The following SRGAP3 variants were observed in gnomAD, a reference collection of about 807,000 sequenced individuals.
SRGAP3 encodes SLIT-ROBO Rho GTPase-activating protein 3.
In SRGAP3, 39 loss-of-function variants were observed where a neutral mutation model predicts 121.1. The ratio of observed to expected loss-of-function variants is 0.32; its 90% CI spans 0.25 to 0.42. The LOEUF (loss-of-function observed/expected upper bound fraction) is 0.42, where lower values mean the gene tolerates loss of function less well. Ranked by LOEUF, SRGAP3 falls within the 10% of genes least tolerant of loss-of-function variation. SRGAP3 has a pLI of 1.00. For missense variants in SRGAP3, 1,213 were observed against 1,470.6 expected (o/e 0.82, Z 2.86); for synonymous variants, 601 against 570.0 (o/e 1.05, Z -0.77).
chr3:9,287,340 T>C (rs1295086705), intron 3 of SRGAP3, among the ~76,000 whole-genome samples: 2 of 152,210 alleles, frequency 1.3e-5, no homozygotes, highest in East Asian at 3.8e-4. Context: ...TTAGTCCTCC[T>C]TCTGCTTAAA....
At position 9,010,364 on chromosome 3, in the gene SRGAP3, C is replaced by G; in HGVS notation, c.2171G>C (p.Gly724Ala). The G allele has an allele frequency of 6.2e-7, 1 of 1,614,054 alleles. No homozygotes were observed. The highest frequency in any genetic ancestry group is 1.1e-5 in the South Asian group (1 of 91,064). ...GTCATGGTCAACTTCATCGATGGCC[C>G]CTGGCTCGCTGTGTGGGCTGTCACT... ...EYCDSPHSEP[G>A]AIDEVDHDNG... The change falls in exon 18 of 22, where the codon GGG becomes GCG. Residue 724 changes from glycine to alanine, a missense_variant. Around this residue, in one of 2 missense-constraint regions of SRGAP3, gnomAD observed 793 missense variants for 1,032.9 expected, o/e 0.77. Transcript: ENST00000383836.
At chr3:9,074,456 C>A (rs1398900870) in intron 4 of SRGAP3, among the ~76,000 whole-genome samples, 2 of 152,228 alleles carry the variant, frequency 1.3e-5, no homozygotes, top group Non-Finnish European at 2.9e-5. Flanking sequence ...TGTGCTCTTC[C>A]AGCACGCAGG....
chr3:9,173,001 G>T (rs998108662), intron 1 of SRGAP3, among the ~76,000 whole-genome samples: 15 of 152,306 alleles, frequency 9.8e-5, no homozygotes, highest in Non-Finnish European at 1.8e-4. Context: ...AGCTACCAAG[G>T]CAAACAGGAG....
At chr3:9,137,465 A>T (rs982916944) in intron 1 of SRGAP3, among the ~76,000 whole-genome samples, 1 of 152,220 alleles carries the variant, frequency 6.6e-6, no homozygotes, top group African/African-American at 2.4e-5. Context: ...AAGGAAGCAC[A>T]GTATATTGGC....
At chr3:9,286,986 CTTTTTTTT>C (rs36096507) in intron 3 of SRGAP3, among the ~76,000 whole-genome samples, 3 of 79,122 alleles carry the variant, frequency 3.8e-5, no homozygotes, top group South Asian at 5.3e-4. Context: ...CACTGACACT[CTTTTTTTT>C]TTTTTTTTTT....
intron 1 of SRGAP3, among the ~76,000 whole-genome samples, chr3:9,189,030 T>C (rs1560378951): frequency 6.6e-6 from 1 of 152,212 alleles, no homozygotes; most frequent in Non-Finnish European, 1.5e-5. Context: ...TACAGGGTCT[T>C]TGTCCTTTTT....
intron 1 of SRGAP3, among the ~76,000 whole-genome samples, chr3:9,138,354 T>G (rs1374051057): frequency 3.9e-5 from 6 of 152,208 alleles, no homozygotes; most frequent in Non-Finnish European, 7.3e-5. Context: ...CAAAATAATG[T>G]TATTAAATTA....
Position 9,135,605 on chromosome 3 carries a change from C to T in SRGAP3, c.68-10688G>A, listed in dbSNP as rs943081938. 5.9e-5 allele frequency among the ~76,000 whole-genome samples: 9 copies of T among 152,244 alleles called. No individual in the cohort carries two copies. In the South Asian group the frequency reaches 1.2e-3, roughly 21 times the overall value. ...GCACTGTGAAGCCTTGGGCAGTCAA[C>T]TCAGTATCTTCTCTGAGCTGTCTTC... On this transcript the variant is annotated intron_variant, in intron 1 of 21. Coordinates refer to ENST00000383836, the MANE Select transcript of SRGAP3 (RefSeq NM_014850.4).
rs1953934224 is a variant in SRGAP3 at position 9,249,290 on chromosome 3, CAT to C, written c.-341_-340del. The C allele has an allele frequency of 8.8e-6, 4 of 455,234 alleles. No homozygotes were observed. The highest frequency in any genetic ancestry group is 6.4e-5 in the South Asian group (3 of 46,774). 28.2% of individuals were successfully genotyped at this position (455,234 alleles called of 1,614,324 possible). On this transcript the variant is annotated 5_prime_UTR_variant, in exon 1 of 22. It removes an upstream start codon present in the reference 5' UTR. Coordinates refer to ENST00000383836, the MANE Select transcript of SRGAP3 (RefSeq NM_014850.4). ...TAATAACCAAGCGCACTCACACACA[CAT>C]GCACACGTACACACACTCACGCATG...
At chr3:9,271,389 T>C (rs562371845) in intron 3 of SRGAP3, among the ~76,000 whole-genome samples, 2 of 152,324 alleles carry the variant, frequency 1.3e-5, no homozygotes, top group South Asian at 4.1e-4. Context: ...AAAACACTCC[T>C]CAAGCACTGT....
intron 1 of SRGAP3, among the ~76,000 whole-genome samples, chr3:9,209,416 C>A (rs1952368819): frequency 6.6e-6 from 1 of 152,194 alleles, no homozygotes; most frequent in Non-Finnish European, 1.5e-5. Context: ...TGGTCAATAA[C>A]CTTTCTAATA....
chr3:9,316,112 G>A (rs1386176874), intron 3 of SRGAP3, among the ~76,000 whole-genome samples: 2 of 151,890 alleles, frequency 1.3e-5, no homozygotes, highest in African/African-American at 4.8e-5. Context: ...GCAGTGGCAC[G>A]ATCTCAGCTC....
chr3:9,185,992 T>C (rs918944298), intron 1 of SRGAP3, among the ~76,000 whole-genome samples: 20 of 152,184 alleles, frequency 1.3e-4, no homozygotes, highest in African/African-American at 4.6e-4. Flanking sequence ...AAGGATAACC[T>C]AGCTAAGTGT....
intron 9 of SRGAP3, among the ~76,000 whole-genome samples, chr3:9,050,820 G>A (rs1447999141): frequency 6.6e-6 from 1 of 152,206 alleles, no homozygotes; most frequent in African/African-American, 2.4e-5. Context: ...CAATCAGCGT[G>A]GGCTGCTTTG....
At chr3:9,051,039 T>A (rs1480866112) in intron 9 of SRGAP3, among the ~76,000 whole-genome samples, 1 of 132,078 alleles carries the variant, frequency 7.6e-6, no homozygotes, top group African/African-American at 2.8e-5. Flanking sequence ...TTTTTTTTTT[T>A]TTTTTTTGAG....
intron 3 of SRGAP3, among the ~76,000 whole-genome samples, chr3:9,308,093 T>C (rs1217571563): frequency 6.6e-6 from 1 of 152,186 alleles, no homozygotes; most frequent in Non-Finnish European, 1.5e-5. Flanking sequence ...AGGCATAAGT[T>C]ACAGTGAGCT....
At chr3:9,178,471 A>T (rs765346741) in intron 1 of SRGAP3, among the ~76,000 whole-genome samples, 20 of 152,188 alleles carry the variant, frequency 1.3e-4, no homozygotes, top group Non-Finnish European at 2.6e-4. Context: ...TGGATTTTCC[A>T]ATCACATGAG....
chr3:9,312,116 A>C (rs1955258590), intron 3 of SRGAP3, among the ~76,000 whole-genome samples: 1 of 152,102 alleles, frequency 6.6e-6, no homozygotes, highest in Non-Finnish European at 1.5e-5. Flanking sequence ...CAATTAGCTG[A>C]GATTCAATTT....
rs1257922381 is a variant in SRGAP3, at chr3:9,195,635, G to A, written c.67+53250C>T. On this transcript the variant is annotated intron_variant, in intron 1 of 21. Coordinates refer to ENST00000383836, the MANE Select transcript of SRGAP3 (RefSeq NM_014850.4). ...ACACCAATAAACAGCATGCACCCAA[G>A]GCCCCGTCTCAGGCTCTATTTCTAA... Among the ~76,000 whole-genome samples the A allele has an allele frequency of 2.0e-5, 3 of 152,068 alleles. No homozygotes were observed. In the East Asian group the frequency reaches 5.8e-4, roughly 29 times the overall value.
Sources: gnomAD v4.1 joint callset for allele counts (sites outside exome capture counted in the v4.1 genomes callset) on GRCh38, gnomAD v4.1.1 for gene constraint, gnomAD v4.1.1 regional missense constraint, MANE v1.5 for transcripts, NCBI Gene and HGNC (gene_info 2026-07-23, HGNC 2026-07-21) for gene names.